PACS1: variants seen among roughly 807,000 people sequenced by gnomAD.
The protein encoded by PACS1 is phosphofurin acidic cluster sorting protein 1, also known as PACS-1.
A neutral mutation model predicts 115.0 loss-of-function variants in PACS1; 24 were observed. The observed-to-expected ratio is 0.21, with a 90% CI of 0.15 to 0.29. The LOEUF (loss-of-function observed/expected upper bound fraction) is 0.29, where lower values mean the gene tolerates loss of function less well. Ranked by LOEUF, PACS1 falls within the 10% of genes least tolerant of loss-of-function variation. PACS1 has a pLI of 1.00. For synonymous variants in PACS1, 453 were observed against 504.5 expected (o/e 0.90, Z 1.37); for missense variants, 838 against 1,251.2 (o/e 0.67, Z 4.98).
intron 4 of PACS1, among the ~76,000 whole-genome samples, chr11:66,213,043 G>A (rs556950432): frequency 6.6e-6 from 1 of 152,200 alleles, no homozygotes; most frequent in Admixed American, 6.5e-5. Flanking sequence ...AGTAGAGATG[G>A]GGTTTCACCA....
At position 66,138,084 on chromosome 11, in the gene PACS1, G is replaced by GTTTA. The variant is rs56348908; in HGVS notation, c.357-55379_357-55376dup. Among the ~76,000 whole-genome samples, 812 of 149,394 alleles carry GTTTA rather than the reference G, an allele frequency of 5.4e-3. 5 individuals carry two copies. The highest frequency in any genetic ancestry group is 0.014 in the African/African-American group (574 of 40,206). On this transcript the variant is annotated intron_variant, in intron 1 of 23. Transcript: ENST00000320580. ...CTGGGGTAGGCCAAGATTTTGCCCC[G>GTTTA]TTTATTTATTTATTTATTTATTTAT...
In PACS1 at chr11:66,235,329, G is replaced by T; in HGVS notation, c.2133G>T (p.Met711Ile). ...AACTGGACGTGGCAGGGCGGGTGATGCAGTACGTCAACGGGGCAGCCACGA... is the reference window on the plus strand; with the variant it reads ...AACTGGACGTGGCAGGGCGGGTGATTCAGTACGTCAACGGGGCAGCCACGA... Reference protein sequence around the residue: ...SEQLDVAGRVMQYVNGAATTH... With the variant: ...SEQLDVAGRVIQYVNGAATTH... The change falls in exon 18 of 24, where the codon ATG (methionine) becomes ATT (isoleucine). Residue 711 changes from methionine to isoleucine, a missense_variant. Transcript: ENST00000320580. The surrounding 1 kb of genome is among the most constrained non-coding windows in gnomAD (Gnocchi z 5.6). 1 of 1,614,046 alleles carries T rather than the reference G, an allele frequency of 6.2e-7. No individual in the cohort carries two copies. The highest frequency in any genetic ancestry group is 8.5e-7 in the Non-Finnish European group (1 of 1,179,918).
At chr11:66,082,779 C>T (rs756879935) in intron 1 of PACS1, among the ~76,000 whole-genome samples, 5 of 152,118 alleles carry the variant, frequency 3.3e-5, no homozygotes, top group African/African-American at 9.7e-5. Context: ...CGCTTGAACC[C>T]GAGAGGCAGA....
At chr11:66,176,256 G>A (rs537122882) in intron 1 of PACS1, among the ~76,000 whole-genome samples, 1 of 152,258 alleles carries the variant, frequency 6.6e-6, no homozygotes, top group East Asian at 1.9e-4. Context: ...CTGGTAGTCT[G>A]CAATGTCTGT....
At chr11:66,214,433 C>A (rs1855149970) in intron 4 of PACS1, among the ~76,000 whole-genome samples, 1 of 152,080 alleles carries the variant, frequency 6.6e-6, no homozygotes, top group Non-Finnish European at 1.5e-5. Flanking sequence ...GAGCAAGTTT[C>A]TCTGTGAAGG....
At chr11:66,116,595 A>G (rs1482203716) in intron 1 of PACS1, among the ~76,000 whole-genome samples, 1 of 152,232 alleles carries the variant, frequency 6.6e-6, no homozygotes, top group Non-Finnish European at 1.5e-5. Context: ...CTCTGCCTTC[A>G]TAGAACTTAG....
At chr11:66,219,378 G>T (rs1270904786) in intron 7 of PACS1, among the ~76,000 whole-genome samples, 1 of 151,910 alleles carries the variant, frequency 6.6e-6, no homozygotes, top group Non-Finnish European at 1.5e-5. Context: ...CACCGTGGAG[G>T]TGGTAAGGCT....
intron 1 of PACS1, among the ~76,000 whole-genome samples, chr11:66,075,007 A>C (rs962853417): frequency 1.4e-5 from 2 of 142,362 alleles, no homozygotes; most frequent in African/African-American, 5.3e-5. Flanking sequence ...CAGTGGTGCA[A>C]TCTCGGCTCA....
rs78673216 is a variant in PACS1 at position 66,118,003 on chromosome 11, G to T, written c.356+47161G>T. 1.7e-3 allele frequency among the ~76,000 whole-genome samples: 260 copies of T among 152,296 alleles called. 6 individuals are homozygous for T. The East Asian group carries it at 0.045, about 26-fold the overall frequency. On this transcript the variant is annotated intron_variant, in intron 1 of 23. Coordinates refer to ENST00000320580, the MANE Select transcript of PACS1 (RefSeq NM_018026.4). Reference sequence around the variant, plus strand: ...CTTTTGAGACTAGTGTTTGTAGGATGTTTTTTCCATTTGTGTTCTGTAGAA... The same window carrying T: ...CTTTTGAGACTAGTGTTTGTAGGATTTTTTTTCCATTTGTGTTCTGTAGAA...
At chr11:66,215,451 A>G (rs1477204585) in intron 4 of PACS1, among the ~76,000 whole-genome samples, 1 of 151,870 alleles carries the variant, frequency 6.6e-6, no homozygotes, top group East Asian at 2.0e-4. Context: ...TAAAATTTAA[A>G]AATTAGCCAG....
intron 1 of PACS1, among the ~76,000 whole-genome samples, chr11:66,132,621 CA>C (rs1858730062): frequency 1.3e-5 from 2 of 152,056 alleles, no homozygotes. Flanking sequence ...AAAGTCTGTA[CA>C]TGTTCAGTAT....
chr11:66,090,945 A>G (rs1015135884), intron 1 of PACS1, among the ~76,000 whole-genome samples: 2 of 152,192 alleles, frequency 1.3e-5, no homozygotes, highest in Non-Finnish European at 2.9e-5. Context: ...TACAGTTTTT[A>G]CAATTTTAAT....
chr11:66,219,399 C>T (rs536958107), intron 7 of PACS1: 41 of 408,460 alleles, frequency 1.0e-4, no homozygotes, highest in African/African-American at 5.3e-4. Flanking sequence ...GAGGTGCCCG[C>T]GCTGTGCATG....
At chr11:66,184,897 C>T (rs1202318443) in intron 1 of PACS1, among the ~76,000 whole-genome samples, 2 of 152,120 alleles carry the variant, frequency 1.3e-5, no homozygotes, top group Non-Finnish European at 2.9e-5. Flanking sequence ...ACTCTATCAG[C>T]GGTACTCTGT....
intron 4 of PACS1, 46 bp downstream of exon 4, chr11:66,211,305 G>A: frequency 6.2e-7 from 1 of 1,603,610 alleles, no homozygotes; most frequent in African/African-American, 1.3e-5. Context: ...GAGTCACAGA[G>A]CCCAAGGGAC....
At chr11:66,178,693 G>A (rs1859934615) in intron 1 of PACS1, among the ~76,000 whole-genome samples, 1 of 152,054 alleles carries the variant, frequency 6.6e-6, no homozygotes. Flanking sequence ...AAAAACAGAA[G>A]TGTGGCATTA....
At chr11:66,169,566 A>ATTTTTTTTTTTT (rs59176258) in intron 1 of PACS1, among the ~76,000 whole-genome samples, 5 of 115,272 alleles carry the variant, frequency 4.3e-5, no homozygotes, top group Admixed American at 9.7e-5. Flanking sequence ...CGCCCGGCTA[A>ATTTTTTTTTTTT]TTTTTTTTTT....
intron 19 of PACS1, 73 bp from the exon 20 acceptor site, chr11:66,238,731 T>C: frequency 1.5e-6 from 2 of 1,313,538 alleles, no homozygotes; most frequent in Admixed American, 3.9e-5. Context: ...GTGCCACCAA[T>C]GTGTTTCTGG....
Position 66,233,770 on chromosome 11 carries a change from C to T in PACS1, c.1839-15C>T, listed in dbSNP as rs751353838. On this transcript the variant is annotated splice_polypyrimidine_tract_variant and intron_variant, in intron 15 of 23. Coordinates refer to ENST00000320580, the MANE Select transcript of PACS1 (RefSeq NM_018026.4). This position sits in a 1 kb window ranked among gnomAD's most constrained non-coding sequence, Gnocchi z 4.5. ...CACCCCTGAGCACTGCTATGACGCT[C>T]CCCTTCCTCCCCAGCTGCAACTGCA... The T allele has an allele frequency of 1.9e-6, 3 of 1,611,498 alleles. No homozygotes were observed. The South Asian group carries it at 3.3e-5, about 18-fold the overall frequency.
Sources: gnomAD v4.1 joint callset for allele counts (sites outside exome capture counted in the v4.1 genomes callset) on GRCh38, gnomAD v4.1.1 for gene constraint, Gnocchi (gnomAD v3.1) non-coding constraint, MANE v1.5 for transcripts, NCBI Gene and HGNC (gene_info 2026-07-23, HGNC 2026-07-21) for gene names.